Variants in CSMD1 observed in about 807,000 individuals in gnomAD.
CSMD1 encodes CUB and Sushi multiple domains 1, also known as CUB and sushi domain-containing protein 1.
In CSMD1, 213 loss-of-function variants were observed where a neutral mutation model predicts 417.5. The observed-to-expected ratio is 0.51, with a 90% CI of 0.46 to 0.57. The LOEUF is 0.57. Among genes scored for constraint, CSMD1 ranks in the 20% least tolerant of loss-of-function variants. The probability of loss-of-function intolerance (pLI) is 0.00; values close to 1 mark genes in which losing one functional copy is unlikely to be tolerated. For missense variants in CSMD1, 6,923 were observed against 4,529.7 expected, an observed-to-expected ratio of 1.53 and a Z score of -15.17; for synonymous variants, 2,862 against 1,736.8, an observed-to-expected ratio of 1.65 and a Z score of -16.11.
At chr8:3,455,624 G>C (rs1816069584) in intron 12 of CSMD1, among the ~76,000 whole-genome samples, 1 of 152,234 alleles carries the variant, frequency 6.6e-6, no homozygotes, top group Middle Eastern at 3.2e-3. Context: ...CTGCAGAACA[G>C]TGGATATTGC....
chr8:3,753,164 C>T (rs543253098), intron 6 of CSMD1, among the ~76,000 whole-genome samples: 1 of 152,116 alleles, frequency 6.6e-6, no homozygotes, highest in Non-Finnish European at 1.5e-5. Context: ...ACGTTCTCAT[C>T]GTCACAATGT....
At chr8:4,101,736 G>T (rs1286847191) in intron 3 of CSMD1, among the ~76,000 whole-genome samples, 1 of 152,198 alleles carries the variant, frequency 6.6e-6, no homozygotes, top group Non-Finnish European at 1.5e-5. Context: ...AAAGCAAACT[G>T]GGCCAATGAT....
intron 12 of CSMD1, among the ~76,000 whole-genome samples, chr8:3,448,934 A>T (rs1030495524): frequency 3.9e-5 from 6 of 152,222 alleles, no homozygotes; most frequent in Non-Finnish European, 8.8e-5. Flanking sequence ...CCTTCCCCCA[A>T]GAGTAAATGT....
At chr8:4,278,213 A>G (rs1796591920) in intron 3 of CSMD1, among the ~76,000 whole-genome samples, 1 of 152,220 alleles carries the variant, frequency 6.6e-6, no homozygotes, top group African/African-American at 2.4e-5. Context: ...CAATAGAGCC[A>G]AGCTTGGTAA....
chr8:4,329,664 C>A (rs1467340457), intron 3 of CSMD1, among the ~76,000 whole-genome samples: 2 of 152,004 alleles, frequency 1.3e-5, no homozygotes, highest in African/African-American at 4.8e-5. Flanking sequence ...ATCTGTATCC[C>A]CACCCAAATC....
At chr8:3,812,756 T>G (rs73658286) in intron 5 of CSMD1, among the ~76,000 whole-genome samples, 2 of 152,194 alleles carry the variant, frequency 1.3e-5, no homozygotes, top group Non-Finnish European at 2.9e-5. Flanking sequence ...GTCTTGCCTA[T>G]TTTAATTAAC....
chr8:3,354,671 T>C (rs1156697363), intron 21 of CSMD1, among the ~76,000 whole-genome samples: 1 of 151,968 alleles, frequency 6.6e-6, no homozygotes, highest in Non-Finnish European at 1.5e-5. Flanking sequence ...AGTGCCGTTA[T>C]TGGATTAGCT....
intron 1 of CSMD1, among the ~76,000 whole-genome samples, chr8:4,770,624 C>A (rs1351052303): frequency 6.6e-6 from 1 of 151,806 alleles, no homozygotes; most frequent in Non-Finnish European, 1.5e-5. Flanking sequence ...GCACATGGAC[C>A]AGCGGAAGAG....
intron 3 of CSMD1, among the ~76,000 whole-genome samples, chr8:4,080,441 C>A (rs977775948): frequency 6.6e-6 from 1 of 152,146 alleles, no homozygotes; most frequent in Non-Finnish European, 1.5e-5. Context: ...ATACATTATC[C>A]ATGTGTTACA....
chr8:3,880,892 C>G (rs1806162819), intron 5 of CSMD1, among the ~76,000 whole-genome samples: 1 of 151,986 alleles, frequency 6.6e-6, no homozygotes, highest in South Asian at 2.1e-4. Flanking sequence ...CTTCGTGTAC[C>G]ATTGAAAGTA....
chr8:3,277,824 G>C (rs1258292017), intron 26 of CSMD1, among the ~76,000 whole-genome samples: 1 of 152,058 alleles, frequency 6.6e-6, no homozygotes, highest in Admixed American at 6.6e-5. Context: ...GGGATTGGGG[G>C]GATGAATTAT....
intron 1 of CSMD1, among the ~76,000 whole-genome samples, chr8:4,754,005 A>G (rs186245295): frequency 6.6e-6 from 1 of 152,230 alleles, no homozygotes; most frequent in Non-Finnish European, 1.5e-5. Context: ...TAGTCTGCCC[A>G]GCTAAAGATT....
chr8:3,438,242 G>C (rs1814703189), intron 12 of CSMD1, among the ~76,000 whole-genome samples: 1 of 152,168 alleles, frequency 6.6e-6, no homozygotes, highest in South Asian at 2.1e-4. Flanking sequence ...TCTCATGTAA[G>C]TTTTAGGCAG....
chr8:4,745,702 G>C (rs903549306), intron 1 of CSMD1, among the ~76,000 whole-genome samples: 4 of 152,176 alleles, frequency 2.6e-5, no homozygotes, highest in Admixed American at 6.5e-5. Flanking sequence ...TAGCTACTGA[G>C]GGCTATCATT....
At chr8:4,761,196 T>G (rs184861646) in intron 1 of CSMD1, among the ~76,000 whole-genome samples, 1 of 152,238 alleles carries the variant, frequency 6.6e-6, no homozygotes, top group Non-Finnish European at 1.5e-5. Context: ...AGCTGAAGGT[T>G]GGTGTCTACC....
intron 26 of CSMD1, among the ~76,000 whole-genome samples, chr8:3,231,058 C>T (rs1442405): frequency 0.083 from 12,579 of 152,098 alleles, 697 homozygotes; most frequent in Admixed American, 0.15. Flanking sequence ...CTGCCTGCGC[C>T]TAATCACAGA....
At chr8:4,697,751 G>A (rs1394434633) in intron 1 of CSMD1, among the ~76,000 whole-genome samples, 1 of 152,114 alleles carries the variant, frequency 6.6e-6, no homozygotes, top group African/African-American at 2.4e-5. Context: ...AAAAAGGAAA[G>A]CATTACTCAT....
At chr8:4,762,946 C>G (rs1563322228) in intron 1 of CSMD1, among the ~76,000 whole-genome samples, 1 of 152,186 alleles carries the variant, frequency 6.6e-6, no homozygotes, top group Non-Finnish European at 1.5e-5. Flanking sequence ...TCTAGACTGG[C>G]TTATATTTCT....
chr8:4,492,226 A>G (rs1296073907), intron 2 of CSMD1, among the ~76,000 whole-genome samples: 1 of 152,180 alleles, frequency 6.6e-6, no homozygotes, highest in African/African-American at 2.4e-5. Flanking sequence ...AGCAGCTGGT[A>G]CTACAGGCAT....
Sources: gnomAD v4.1 joint callset for allele counts (sites outside exome capture counted in the v4.1 genomes callset) on GRCh38, gnomAD v4.1.1 for gene constraint, MANE v1.5 for transcripts, NCBI Gene and HGNC (gene_info 2026-07-23, HGNC 2026-07-21) for gene names.